Variants in RAB27A observed in about 807,000 individuals in gnomAD.
RAB27A encodes the protein ras-related protein Rab-27A.
In RAB27A, 17 loss-of-function variants were observed where a neutral mutation model predicts 20.8. That is an observed-to-expected ratio of 0.82 (90% CI 0.56 to 1.23). The LOEUF (loss-of-function observed/expected upper bound fraction) is 1.23, where lower values mean the gene tolerates loss of function less well. RAB27A is among the 50% of genes most tolerant of loss of function. The pLI is 0.00. For missense variants in RAB27A, 277 were observed against 266.7 expected, an observed-to-expected ratio of 1.04 and a Z score of -0.27; for synonymous variants, 85 against 92.8, an observed-to-expected ratio of 0.92 and a Z score of 0.48.
At chr15:55,209,863 C>CGG (rs1166125969) in intron 6 of RAB27A, among the ~76,000 whole-genome samples, 2 of 18,404 alleles carry the variant, frequency 1.1e-4, no homozygotes, top group Admixed American at 8.0e-4. Context: ...TGTGTATATA[C>CGG]ATATATACAT....
intron 2 of RAB27A, among the ~76,000 whole-genome samples, chr15:55,267,561 C>T (rs1050271883): frequency 1.3e-5 from 2 of 152,104 alleles, no homozygotes; most frequent in Non-Finnish European, 2.9e-5. Flanking sequence ...GCATAGACAG[C>T]GCAAATAAAT....
At chr15:55,315,802 G>T (rs892597896) in intron 1 of RAB27A, among the ~76,000 whole-genome samples, 4 of 152,158 alleles carry the variant, frequency 2.6e-5, no homozygotes, top group African/African-American at 9.7e-5. Flanking sequence ...TTACACTGTT[G>T]GTGGGAGTGT....
intron 1 of RAB27A, among the ~76,000 whole-genome samples, chr15:55,274,791 A>T (rs1312045550): frequency 6.5e-5 from 1 of 15,370 alleles, no homozygotes; most frequent in African/African-American, 1.8e-4. Context: ...AAAAATAAAT[A>T]AATTATATAT....
At chr15:55,225,302 C>G (rs1595689643) in intron 5 of RAB27A, among the ~76,000 whole-genome samples, 1 of 152,322 alleles carries the variant, frequency 6.6e-6, no homozygotes, top group Middle Eastern at 3.4e-3. Context: ...CTGCCATTTA[C>G]TAGCTGTGTG....
intron 1 of RAB27A, among the ~76,000 whole-genome samples, chr15:55,276,855 G>A (rs1298183268): frequency 6.6e-6 from 1 of 152,152 alleles, no homozygotes; most frequent in African/African-American, 2.4e-5. Flanking sequence ...AAAACAGGCA[G>A]GATAAAACCT....
intron 1 of RAB27A, among the ~76,000 whole-genome samples, chr15:55,274,319 A>G (rs1394689509): frequency 2.0e-5 from 3 of 152,120 alleles, no homozygotes; most frequent in Non-Finnish European, 2.9e-5. Context: ...AAACAACCTA[A>G]GTTTATACTG....
At chr15:55,227,041 G>A (rs998729630) in intron 5 of RAB27A, among the ~76,000 whole-genome samples, 1 of 151,982 alleles carries the variant, frequency 6.6e-6, no homozygotes, top group African/African-American at 2.4e-5. Flanking sequence ...AATGGTAGGG[G>A]GTGGAGAATA....
chr15:55,250,761 C>T (rs949855369), intron 2 of RAB27A, among the ~76,000 whole-genome samples: 4 of 152,216 alleles, frequency 2.6e-5, no homozygotes, highest in Non-Finnish European at 5.9e-5. Context: ...AGATGAGTGT[C>T]TTCACAGTCA....
chr15:55,299,460 G>A (rs951525106), intron 2 of RAB27A, among the ~76,000 whole-genome samples: 2 of 152,102 alleles, frequency 1.3e-5, no homozygotes, highest in Non-Finnish European at 2.9e-5. Flanking sequence ...CGGGCATTGT[G>A]GCTCACACCT....
At chr15:55,316,247 A>AT (rs1566943054) in intron 1 of RAB27A, among the ~76,000 whole-genome samples, 1 of 151,922 alleles carries the variant, frequency 6.6e-6, no homozygotes, top group Non-Finnish European at 1.5e-5. Flanking sequence ...AAAAAAAAAA[A>AT]AAAAAAGAAT....
chr15:55,277,503 T>C (rs953003191), intron 1 of RAB27A, among the ~76,000 whole-genome samples: 4 of 152,148 alleles, frequency 2.6e-5, no homozygotes, highest in Non-Finnish European at 5.9e-5. Flanking sequence ...TTCGTGTCTT[T>C]TGTTAATTTA....
chr15:55,303,694 C>G (rs2054984969), intron 2 of RAB27A, among the ~76,000 whole-genome samples: 2 of 128,346 alleles, frequency 1.6e-5, no homozygotes, highest in African/African-American at 6.2e-5. Flanking sequence ...CCAGCCGCCC[C>G]GTCCGGGAGG....
intron 2 of RAB27A, among the ~76,000 whole-genome samples, chr15:55,259,004 T>TG (rs1201413771): frequency 6.6e-6 from 1 of 152,032 alleles, no homozygotes; most frequent in Non-Finnish European, 1.5e-5. Flanking sequence ...TTTGTAGAGA[T>TG]GGGGTTTTCC....
chr15:55,308,089 C>T (rs1034416045), intron 2 of RAB27A, among the ~76,000 whole-genome samples: 6 of 152,148 alleles, frequency 3.9e-5, no homozygotes, highest in African/African-American at 1.4e-4. Context: ...GAGGGGATTA[C>T]CCCATACTAC....
At chr15:55,309,802 G>A (rs1010580911) in intron 2 of RAB27A, among the ~76,000 whole-genome samples, 1 of 152,082 alleles carries the variant, frequency 6.6e-6, no homozygotes, top group African/African-American at 2.4e-5. Flanking sequence ...ACTGTCCATT[G>A]GGTTTCTGTA....
At chr15:55,249,280 G>A (rs943195807) in intron 2 of RAB27A, among the ~76,000 whole-genome samples, 1 of 152,136 alleles carries the variant, frequency 6.6e-6, no homozygotes, top group East Asian at 1.9e-4. Context: ...GAGGAATTAA[G>A]TGTATTTATT....
At chr15:55,257,916 C>T (rs558641377) in intron 2 of RAB27A, among the ~76,000 whole-genome samples, 2 of 152,054 alleles carry the variant, frequency 1.3e-5, no homozygotes, top group African/African-American at 4.8e-5. Flanking sequence ...TTGCTTGAAC[C>T]TGGGAGGCAA....
At chr15:55,221,473 G>C (rs994073053) in intron 6 of RAB27A, among the ~76,000 whole-genome samples, 2 of 152,054 alleles carry the variant, frequency 1.3e-5, no homozygotes, top group African/African-American at 4.8e-5. Flanking sequence ...CCTCTCAGGG[G>C]AGCAGGGGGA....
intron 1 of RAB27A, among the ~76,000 whole-genome samples, chr15:55,276,835 CAAT>C (rs1453154574): frequency 6.6e-6 from 1 of 152,012 alleles, no homozygotes; most frequent in Non-Finnish European, 1.5e-5. Flanking sequence ...CACAAAAATG[CAAT>C]AATAATAAAA....
Sources: allele counts gnomAD v4.1 joint callset (sites outside exome capture counted in the v4.1 genomes callset), GRCh38; gene constraint gnomAD v4.1.1; transcripts MANE v1.5; gene names NCBI Gene and HGNC (gene_info 2026-07-23, HGNC 2026-07-21).